GABPB1: variants seen among roughly 807,000 people sequenced by gnomAD.
GABPB1 encodes the protein GA-binding protein subunit beta-1.
A neutral mutation model predicts 45.9 loss-of-function variants in GABPB1; 15 were observed. The ratio of observed to expected loss-of-function variants is 0.33; its 90% CI spans 0.22 to 0.50. The LOEUF is 0.50. Ranked by LOEUF, GABPB1 falls within the 20% of genes least tolerant of loss-of-function variation. The pLI is 0.98. For missense variants in GABPB1, 252 were observed against 457.5 expected, an observed-to-expected ratio of 0.55 and a Z score of 4.10; for synonymous variants, 143 against 154.4, an observed-to-expected ratio of 0.93 and a Z score of 0.55.
chr15:50,282,661 A>G (rs528054945), intron 8 of GABPB1, among the ~76,000 whole-genome samples: 2 of 152,174 alleles, frequency 1.3e-5, no homozygotes, highest in Admixed American at 1.3e-4. Flanking sequence ...AAAGCTTTGC[A>G]TCAAATAAAA....
At chr15:50,306,898 C>T (rs1202260967) in intron 2 of GABPB1, among the ~76,000 whole-genome samples, 1 of 151,980 alleles carries the variant, frequency 6.6e-6, no homozygotes, top group Non-Finnish European at 1.5e-5. Context: ...GTATAGCTTA[C>T]TAATTTTCTG....
At chr15:50,293,728 T>C (rs965063927) in intron 6 of GABPB1, among the ~76,000 whole-genome samples, 1 of 152,206 alleles carries the variant, frequency 6.6e-6, no homozygotes, top group Non-Finnish European at 1.5e-5. Context: ...TTCAAGAACT[T>C]TCATCTTTGC....
intron 1 of GABPB1, among the ~76,000 whole-genome samples, chr15:50,325,811 G>A (rs1006940010): frequency 5.9e-5 from 9 of 151,998 alleles, no homozygotes; most frequent in East Asian, 3.9e-4. Context: ...GATTACAGGC[G>A]TGAGCCACTG....
Position 50,303,581 on chromosome 15 carries a change from C to T in GABPB1, c.276+385G>A, listed in dbSNP as rs1238164084. 2.6e-5 allele frequency among the ~76,000 whole-genome samples: 4 copies of T among 151,544 alleles called. No homozygotes were observed. The East Asian group carries it at 7.8e-4, about 29-fold the overall frequency. Reference sequence around the variant, plus strand: ...CCTGTAGTCCCAGCTACTCGGGAGGCTGAGGCAGGAGAATCACTTGAACCC... The same window carrying T: ...CCTGTAGTCCCAGCTACTCGGGAGGTTGAGGCAGGAGAATCACTTGAACCC... On this transcript the variant is annotated intron_variant, in intron 3 of 8. Transcript: ENST00000380877.
At chr15:50,282,733 C>T (rs1398022242) in intron 8 of GABPB1, among the ~76,000 whole-genome samples, 3 of 152,024 alleles carry the variant, frequency 2.0e-5, no homozygotes, top group African/African-American at 7.2e-5. Context: ...AAATCTACCA[C>T]CAGTTAAGGA....
chr15:50,288,470 C>A (rs1406936382), intron 7 of GABPB1, among the ~76,000 whole-genome samples: 1 of 152,156 alleles, frequency 6.6e-6, no homozygotes, highest in Non-Finnish European at 1.5e-5. Flanking sequence ...AGTATTCATG[C>A]CCTATTCTAT....
intron 1 of GABPB1, among the ~76,000 whole-genome samples, chr15:50,312,515 G>A (rs938131721): frequency 2.6e-5 from 4 of 152,112 alleles, no homozygotes; most frequent in African/African-American, 9.7e-5. Flanking sequence ...CTGCTGGACA[G>A]TAAAAATTAA....
intron 1 of GABPB1, among the ~76,000 whole-genome samples, chr15:50,332,325 A>G (rs2047976398): frequency 6.6e-6 from 1 of 152,210 alleles, no homozygotes; most frequent in Non-Finnish European, 1.5e-5. Context: ...ACCATGCAGT[A>G]AAGTCTAATC....
intron 8 of GABPB1, among the ~76,000 whole-genome samples, chr15:50,281,867 C>G (rs970707082): frequency 6.6e-6 from 1 of 152,202 alleles, no homozygotes. Context: ...TTTGGAAGGC[C>G]AAGGCAGGTG....
chr15:50,354,883 G>A (rs982172562), intron 1 of GABPB1, 102 bp downstream of exon 1: 1 of 221,310 alleles, frequency 4.5e-6, no homozygotes, highest in Non-Finnish European at 9.0e-6. Flanking sequence ...GGAAATCGCG[G>A]GGATGATCTG....
At chr15:50,323,787 G>A (rs185474261) in intron 1 of GABPB1, among the ~76,000 whole-genome samples, 8 of 152,134 alleles carry the variant, frequency 5.3e-5, no homozygotes, top group South Asian at 2.1e-4. Context: ...CGGGAGGATC[G>A]CTTAAGCCCA....
intron 1 of GABPB1, among the ~76,000 whole-genome samples, chr15:50,324,297 A>C (rs993117550): frequency 1.3e-5 from 2 of 152,100 alleles, no homozygotes; most frequent in East Asian, 1.9e-4. Context: ...ATTGTCTCCC[A>C]CTGTTAACGA....
At chr15:50,316,585 T>A (rs912294036) in intron 1 of GABPB1, among the ~76,000 whole-genome samples, 1 of 144,970 alleles carries the variant, frequency 6.9e-6, no homozygotes. Flanking sequence ...CACTCCAATT[T>A]TGTATTACAC....
intron 1 of GABPB1, among the ~76,000 whole-genome samples, chr15:50,334,671 C>A (rs1052903369): frequency 6.6e-6 from 1 of 151,896 alleles, no homozygotes; most frequent in Non-Finnish European, 1.5e-5. Flanking sequence ...CTACACCCAG[C>A]TAATTTTTTT....
At chr15:50,278,877 C>T (rs1036482106) in intron 8 of GABPB1, 93 bp from the exon 9 acceptor site, 12 of 976,452 alleles carry the variant, frequency 1.2e-5, no homozygotes, top group Admixed American at 1.0e-4. Context: ...AAAAAAAAAC[C>T]GTAGTAGCTA....
intron 1 of GABPB1, chr15:50,353,655 A>C (rs988876456): frequency 1.3e-5 from 2 of 152,212 alleles, no homozygotes; most frequent in African/African-American, 4.8e-5. Context: ...TGAAAATGGA[A>C]GTATCAAAGC....
chr15:50,351,209 AAATAT>A (rs1460810623), intron 1 of GABPB1: 18 of 152,376 alleles, frequency 1.2e-4, no homozygotes, highest in African/African-American at 2.4e-4. Flanking sequence ...ACAATACCCC[AAATAT>A]AATATAACTA....
At chr15:50,343,695 C>T (rs559808026) in intron 1 of GABPB1, among the ~76,000 whole-genome samples, 19 of 152,140 alleles carry the variant, frequency 1.2e-4, no homozygotes, top group Admixed American at 5.9e-4. Flanking sequence ...CACACCACCA[C>T]GCCTAGCTAG....
intron 1 of GABPB1, among the ~76,000 whole-genome samples, chr15:50,347,974 C>A (rs2048657818): frequency 7.1e-6 from 1 of 140,888 alleles, no homozygotes; most frequent in South Asian, 2.2e-4. Context: ...ACCCGGGAGG[C>A]AGAGGTTACA....
Sources: allele counts gnomAD v4.1 joint callset (sites outside exome capture counted in the v4.1 genomes callset), GRCh38; gene constraint gnomAD v4.1.1; transcripts MANE v1.5; gene names NCBI Gene and HGNC (gene_info 2026-07-23, HGNC 2026-07-21).